Variants in TNRC6C observed in about 807,000 individuals in gnomAD.
TNRC6C encodes the protein trinucleotide repeat-containing gene 6C protein.
A neutral mutation model predicts 153.7 loss-of-function variants in TNRC6C; 20 were observed. That is an observed-to-expected ratio of 0.13 (90% confidence interval 0.09 to 0.19). TNRC6C has a LOEUF of 0.19. Among genes scored for constraint, TNRC6C ranks in the 10% least tolerant of loss-of-function variants. The pLI, the probability that TNRC6C is intolerant of heterozygous loss-of-function variation, is 1.00. For synonymous variants in TNRC6C, 811 were observed against 841.4 expected (o/e 0.96, Z 0.63); for missense variants, 1,987 against 2,172.0 (o/e 0.91, Z 1.69).
At chr17:78,063,637 T>G (rs150926587) in intron 3 of TNRC6C, among the ~76,000 whole-genome samples, 106 of 151,838 alleles carry the variant, frequency 7.0e-4, no homozygotes, top group Middle Eastern at 3.4e-3. Context: ...GATCCATAAT[T>G]CAACTCTCTT....
exon 3 of TNRC6C, chr17:78,051,366 G>A (rs889452487): frequency 6.3e-5 from 97 of 1,550,536 alleles, no homozygotes; most frequent in Non-Finnish European, 7.4e-5. Flanking sequence ...CCACTACCAC[G>A]AGCAACACCA....
At chr17:78,050,988 C>A in exon 3 of TNRC6C, 1 of 1,613,338 alleles carries the variant, frequency 6.2e-7, no homozygotes. Flanking sequence ...GTGGCTGGGG[C>A]AACAGCACAA....
chr17:78,032,942 G>A (rs1222738568), intron 2 of TNRC6C, among the ~76,000 whole-genome samples: 1 of 152,162 alleles, frequency 6.6e-6, no homozygotes, highest in Non-Finnish European at 1.5e-5. Context: ...AAGCAAGGCA[G>A]AAAAGATAAA....
chr17:78,033,620 G>T (rs1041574695), intron 2 of TNRC6C, among the ~76,000 whole-genome samples: 7 of 151,570 alleles, frequency 4.6e-5, no homozygotes, highest in Non-Finnish European at 7.4e-5. Context: ...GGCGAGCCGA[G>T]ATCACGCCAT....
intron 6 of TNRC6C, among the ~76,000 whole-genome samples, 177 bp from the exon 9 acceptor site, chr17:78,072,860 C>T (rs1365155260): frequency 6.6e-6 from 1 of 152,170 alleles, no homozygotes; most frequent in African/African-American, 2.4e-5. Context: ...AGTACATTTT[C>T]TTATTACAAG....
chr17:78,038,428 C>G (rs2072223659), intron 2 of TNRC6C, among the ~76,000 whole-genome samples: 1 of 151,972 alleles, frequency 6.6e-6, no homozygotes, highest in South Asian at 2.1e-4. Context: ...AATCCCAGCA[C>G]TTTGGGAGGC....
At chr17:77,968,557 G>A (rs1482086492) in intron 1 of TNRC6C, among the ~76,000 whole-genome samples, 1 of 150,616 alleles carries the variant, frequency 6.6e-6, no homozygotes, top group Admixed American at 6.6e-5. Flanking sequence ...GGCCAGGATG[G>A]TCTCTTATCT....
At chr17:78,050,594 A>G (rs1598734195) in exon 3 of TNRC6C, 2 of 1,590,424 alleles carry the variant, frequency 1.3e-6, no homozygotes, top group Non-Finnish European at 8.6e-7. Context: ...GGGTGGGTCA[A>G]CGCGCCACCT....
Position 78,005,570 on chromosome 17 carries a change from A to G in TNRC6C, c.-546+491A>G, listed in dbSNP as rs577587341. ...TCATAAAAGGTGTTGGTGGAAACACACGCATTTCTCACTGTTACTCAGGAA... is the reference window on the plus strand; with the variant it reads ...TCATAAAAGGTGTTGGTGGAAACACGCGCATTTCTCACTGTTACTCAGGAA... On this transcript the variant is annotated intron_variant, in intron 1 of 19. Transcript: ENST00000301624. Among the ~76,000 whole-genome samples the G allele has an allele frequency of 4.6e-5, 7 of 152,216 alleles. No individual in the cohort carries two copies. The South Asian group carries it at 1.4e-3, about 31-fold the overall frequency.
chr17:77,993,177 G>A (rs376878114), intron 1 of TNRC6C, among the ~76,000 whole-genome samples: 3 of 152,222 alleles, frequency 2.0e-5, no homozygotes, highest in African/African-American at 7.2e-5. Context: ...GGCCAGGCTG[G>A]TCTCGAATTC....
intron 2 of TNRC6C, among the ~76,000 whole-genome samples, chr17:78,043,753 C>T (rs1200390380): frequency 2.0e-5 from 3 of 152,128 alleles, no homozygotes; most frequent in Non-Finnish European, 4.4e-5. Flanking sequence ...CCTTCCTAGC[C>T]TCTATCTTCA....
intron 16 of TNRC6C, among the ~76,000 whole-genome samples, 186 bp from the exon 20 acceptor site, chr17:78,098,157 C>G (rs1172074221): frequency 6.6e-6 from 1 of 152,224 alleles, no homozygotes; most frequent in Non-Finnish European, 1.5e-5. Flanking sequence ...GTTTTGAAAA[C>G]TTAGAGGCAA....
intron 2 of TNRC6C, 87 bp from the exon 5 acceptor site, chr17:78,048,756 TAA>T: frequency 8.4e-7 from 1 of 1,186,640 alleles, no homozygotes; most frequent in Non-Finnish European, 1.1e-6. Flanking sequence ...AGACTTGAAA[TAA>T]AGAGCTTCCC....
At chr17:77,961,191 T>C (rs2070859153) in intron 1 of TNRC6C, among the ~76,000 whole-genome samples, 1 of 151,942 alleles carries the variant, frequency 6.6e-6, no homozygotes, top group Non-Finnish European at 1.5e-5. Context: ...GTTTCGTTCT[T>C]GTTGCCCAGG....
intron 3 of TNRC6C, among the ~76,000 whole-genome samples, chr17:78,051,912 G>A (rs766133538): frequency 6.6e-6 from 1 of 152,194 alleles, no homozygotes; most frequent in Non-Finnish European, 1.5e-5. Context: ...GTCCAGTGAG[G>A]ACAATAAAAG....
At chr17:78,086,526 G>C (rs759525700) in exon 12 of TNRC6C, 1 of 1,613,902 alleles carries the variant, frequency 6.2e-7, no homozygotes, top group East Asian at 2.2e-5. Context: ...TACAAATCCA[G>C]CAGCAGATGT....
intron 3 of TNRC6C, among the ~76,000 whole-genome samples, chr17:78,056,231 T>C (rs2871766): frequency 0.97 from 147,254 of 151,686 alleles, 71,508 homozygotes; most frequent in East Asian, 1. Flanking sequence ...AATCTCGTCT[T>C]ACTGCAACTT....
chr17:77,978,045 G>A (rs932876288), intron 1 of TNRC6C, among the ~76,000 whole-genome samples: 72 of 151,828 alleles, frequency 4.7e-4, no homozygotes, highest in African/African-American at 1.7e-3. Context: ...ACAGGCGCCC[G>A]CCACCACGCC....
chr17:78,062,961 A>G (rs1190086092), intron 3 of TNRC6C, among the ~76,000 whole-genome samples: 2 of 152,160 alleles, frequency 1.3e-5, no homozygotes, highest in African/African-American at 4.8e-5. Context: ...AGAAAATTGT[A>G]AAGACTGGGT....
Sources: allele counts gnomAD v4.1 joint callset (sites outside exome capture counted in the v4.1 genomes callset), GRCh38; gene constraint gnomAD v4.1.1; transcripts MANE v1.5; gene names NCBI Gene and HGNC (gene_info 2026-07-23, HGNC 2026-07-21).